The following SLC27A2 variants were observed in gnomAD, a reference collection of about 807,000 sequenced individuals.
SLC27A2 encodes long-chain fatty acid transport protein 2.
Under a neutral mutation model 60.0 loss-of-function variants are expected in SLC27A2, and 54 were observed. The ratio of observed to expected loss-of-function variants is 0.90; its 90% confidence interval spans 0.72 to 1.13. SLC27A2 has a LOEUF of 1.13. Ranked by LOEUF, SLC27A2 falls within the 50% of genes most tolerant of loss-of-function variation. The pLI, the probability that SLC27A2 is intolerant of heterozygous loss-of-function variation, is 0.00. For synonymous variants in SLC27A2, 297 were observed against 297.6 expected (o/e 1.00, Z 0.02); for missense variants, 739 against 777.6 (o/e 0.95, Z 0.59).
intron 1 of SLC27A2, among the ~76,000 whole-genome samples, chr15:50,185,816 G>A (rs1004881467): frequency 6.6e-6 from 1 of 151,338 alleles, no homozygotes; most frequent in Admixed American, 6.6e-5. Flanking sequence ...TTTTTAGTAG[G>A]GGCAGGGTTT....
chr15:50,213,435 T>C (rs1031762555), intron 4 of SLC27A2, among the ~76,000 whole-genome samples: 3 of 152,198 alleles, frequency 2.0e-5, no homozygotes, highest in African/African-American at 7.2e-5. Flanking sequence ...GGATTTAAAC[T>C]ATACTTTGGA....
At chr15:50,189,489 GA>G (rs2140895391) in intron 1 of SLC27A2, among the ~76,000 whole-genome samples, 1 of 152,266 alleles carries the variant, frequency 6.6e-6, no homozygotes, top group East Asian at 1.9e-4. Context: ...GTAGCCCAAG[GA>G]AAGATAGCTT....
At chr15:50,222,871 A>T in intron 4 of SLC27A2, 94 bp from the exon 5 acceptor site, 5 of 1,044,240 alleles carry the variant, frequency 4.8e-6, no homozygotes, top group South Asian at 3.4e-5. Flanking sequence ...TGTCAGTATA[A>T]ATTAAATACA....
intron 1 of SLC27A2, 123 bp from the exon 2 acceptor site, chr15:50,197,377 G>A (rs1311413568): frequency 3.2e-6 from 2 of 633,120 alleles, no homozygotes; most frequent in Non-Finnish European, 5.5e-6. Context: ...AGCATCATTT[G>A]TCATGCCCAC....
intron 8 of SLC27A2, among the ~76,000 whole-genome samples, chr15:50,232,291 A>C (rs2140915572): frequency 6.6e-6 from 1 of 152,382 alleles, no homozygotes; most frequent in Middle Eastern, 3.4e-3. Flanking sequence ...AACTTTCTGC[A>C]ATGATGGAAA....
intron 4 of SLC27A2, among the ~76,000 whole-genome samples, chr15:50,216,595 G>GT (rs1555501322): frequency 1.4e-5 from 1 of 69,934 alleles, no homozygotes; most frequent in African/African-American, 5.1e-5. Flanking sequence ...AAGAAACTGT[G>GT]GTGTGTGTGT....
chr15:50,232,118 G>A (rs949854490), intron 8 of SLC27A2, among the ~76,000 whole-genome samples: 7 of 152,218 alleles, frequency 4.6e-5, no homozygotes, highest in Non-Finnish European at 1.0e-4. Context: ...GACTAGAAAT[G>A]CAGCAGTACT....
intron 2 of SLC27A2, among the ~76,000 whole-genome samples, chr15:50,201,223 A>G (rs893847677): frequency 6.6e-6 from 1 of 152,112 alleles, no homozygotes; most frequent in South Asian, 2.1e-4. Context: ...GGCTCAAGCG[A>G]TCCTCCTGCC....
At chr15:50,218,081 A>C (rs1442024337) in intron 4 of SLC27A2, among the ~76,000 whole-genome samples, 1 of 151,306 alleles carries the variant, frequency 6.6e-6, no homozygotes, top group Non-Finnish European at 1.5e-5. Flanking sequence ...AAAAAAAAAA[A>C]AAAAACCGGG....
At position 50,182,769 on chromosome 15, in the gene SLC27A2, G is replaced by A; in HGVS notation, c.342G>A (p.Glu114=). ...GDCVALLMGN[E]PAYVWLWLGL... ...GCGTGGCGCTCCTTATGGGTAACGA[G>A]CCGGCCTACGTGTGGCTGTGGCTGG... The change falls in exon 1 of 10, where the codon GAG becomes GAA. Residue 114 remains glutamate (E), a synonymous_variant. Coordinates refer to ENST00000267842, the MANE Select transcript of SLC27A2 (RefSeq NM_003645.4). 6.2e-7 allele frequency: 1 copy of A among 1,613,824 alleles called. No individual in the cohort carries two copies. Among genetic ancestry groups the A allele is most frequent in the Non-Finnish European group, 8.5e-7 (1 of 1,179,958 alleles).
chr15:50,184,833 T>C (rs981570338), intron 1 of SLC27A2, among the ~76,000 whole-genome samples: 1 of 152,078 alleles, frequency 6.6e-6, no homozygotes, highest in African/African-American at 2.4e-5. Flanking sequence ...TGAGACTCCA[T>C]CTCAAAAAAC....
chr15:50,221,640 A>T (rs2140910765), intron 4 of SLC27A2, among the ~76,000 whole-genome samples: 1 of 152,352 alleles, frequency 6.6e-6, no homozygotes, highest in African/African-American at 2.4e-5. Flanking sequence ...ACAGTGTAAG[A>T]AATAATATAG....
intron 7 of SLC27A2, 152 bp from the exon 8 acceptor site, chr15:50,228,793 C>T (rs563739109): frequency 5.2e-5 from 32 of 617,910 alleles, no homozygotes; most frequent in South Asian, 3.4e-4. Flanking sequence ...CAAGATACCC[C>T]GGCCAGGACT....
At chr15:50,200,363 G>A (rs73395114) in intron 2 of SLC27A2, among the ~76,000 whole-genome samples, 17,861 of 152,040 alleles carry the variant, frequency 0.12, 1,073 homozygotes, top group Middle Eastern at 0.14. Flanking sequence ...AGGCTGTGGT[G>A]AGCCTTGAAC....
At chr15:50,205,923 T>G (rs1467919309) in intron 4 of SLC27A2, among the ~76,000 whole-genome samples, 2 of 152,184 alleles carry the variant, frequency 1.3e-5, no homozygotes, top group Non-Finnish European at 2.9e-5. Flanking sequence ...TCTGTGTGAC[T>G]TTGAAACCAG....
intron 2 of SLC27A2, among the ~76,000 whole-genome samples, chr15:50,201,913 C>T (rs1195558145): frequency 6.6e-6 from 1 of 152,188 alleles, no homozygotes; most frequent in African/African-American, 2.4e-5. Context: ...TTCATATTTG[C>T]TTTGTTTGTA....
At position 50,226,037 on chromosome 15, in the gene SLC27A2, C is replaced by T; in HGVS notation, c.1217C>T (p.Pro406Leu). 6.2e-7 allele frequency: 1 copy of T among 1,611,864 alleles called. No individual in the cohort carries two copies. Among genetic ancestry groups the T allele is most frequent in the Non-Finnish European group, 8.5e-7 (1 of 1,178,046 alleles). The part of the protein sequence containing the change: ...LIKYDVEKDE[P>L]VRDENGYCVR... ...AAATATGATGTGGAGAAAGATGAACCTGTCCGTGATGAAAATGGATATTGC... is the reference window on the plus strand; with the variant it reads ...AAATATGATGTGGAGAAAGATGAACTTGTCCGTGATGAAAATGGATATTGC... The change falls in exon 6 of 10, where the codon CCT (proline) becomes CTT (leucine). Residue 406 changes from proline to leucine, a missense_variant. Coordinates refer to ENST00000267842, the MANE Select transcript of SLC27A2 (RefSeq NM_003645.4).
intron 1 of SLC27A2, among the ~76,000 whole-genome samples, chr15:50,191,671 T>C (rs2044975191): frequency 6.6e-6 from 1 of 152,110 alleles, no homozygotes. Context: ...CCTTGACAAA[T>C]AGAATTATAG....
At chr15:50,183,276 A>G (rs2044885606) in intron 1 of SLC27A2, among the ~76,000 whole-genome samples, 1 of 152,184 alleles carries the variant, frequency 6.6e-6, no homozygotes, top group Admixed American at 6.5e-5. Context: ...CATCTGCATT[A>G]AAATGCAGAG....
Sources: gnomAD v4.1 joint callset for allele counts (sites outside exome capture counted in the v4.1 genomes callset) on GRCh38, gnomAD v4.1.1 for gene constraint, MANE v1.5 for transcripts, NCBI Gene and HGNC (gene_info 2026-07-23, HGNC 2026-07-21) for gene names.